CHPT1: variants seen among roughly 807,000 people sequenced by gnomAD.
CHPT1 encodes choline phosphotransferase 1, also known as cholinephosphotransferase 1.
Under a neutral mutation model 47.6 loss-of-function variants are expected in CHPT1, and 36 were observed. The observed-to-expected ratio is 0.76, with a 90% CI of 0.58 to 1.00. CHPT1 has a LOEUF of 1.00. Among genes scored for constraint, CHPT1 ranks in the 50% least tolerant of loss-of-function variants. The pLI, the probability that CHPT1 is intolerant of heterozygous loss-of-function variation, is 0.00. For missense variants in CHPT1, 458 were observed against 498.1 expected (o/e 0.92, Z 0.77); for synonymous variants, 194 against 186.3 (o/e 1.04, Z -0.33).
chr12:101,723,427 T>A, intron 6 of CHPT1, 101 bp downstream of exon 6: 1 of 756,370 alleles, frequency 1.3e-6, no homozygotes, highest in Non-Finnish European at 2.1e-6. Flanking sequence ...TTTTGTAGTG[T>A]AAAATCATAA....
chr12:101,720,159 G>T lies in CHPT1; in HGVS notation c.685G>T (p.Val229Phe). The T allele has an allele frequency of 6.3e-7, 1 of 1,598,380 alleles. No individual in the cohort carries two copies. Among genetic ancestry groups the T allele is most frequent in the Non-Finnish European group, 8.6e-7 (1 of 1,169,530 alleles). Residue 229 changes from valine to phenylalanine, a missense_variant, in exon 5 of 9, where the codon GTT (valine) becomes TTT (phenylalanine). Coordinates refer to ENST00000229266, the MANE Select transcript of CHPT1 (RefSeq NM_020244.3). ...ILEIKLKILP[V>F]LGFLGGVIFS... Reference sequence around the variant, plus strand: ...AGAAATAAAATTGAAGATCCTTCCAGTTCTTGGATTTCTAGGTGGAGTAAT... The same window carrying T: ...AGAAATAAAATTGAAGATCCTTCCATTTCTTGGATTTCTAGGTGGAGTAAT...
chr12:101,721,722 T>C (rs1228988831), intron 5 of CHPT1, among the ~76,000 whole-genome samples: 1 of 152,140 alleles, frequency 6.6e-6, no homozygotes, highest in Admixed American at 6.5e-5. Flanking sequence ...AACGTTAAGT[T>C]CCATTGAAGA....
chr12:101,728,983 G>A lies in CHPT1; in HGVS notation c.*38G>A. The A allele has an allele frequency of 6.2e-7, 1 of 1,613,424 alleles. No homozygotes were observed. The highest frequency in any genetic ancestry group is 1.7e-4 in the Middle Eastern group (1 of 6,052). The stretch of plus-strand genomic sequence containing the variant: ...ACACTTGCTATCTCTTGCTGCTGCT[G>A]TTTCATGGAAGGAGATATTAAACAT... On this transcript the variant is annotated 3_prime_UTR_variant, in exon 9 of 9. Transcript: ENST00000229266.
At chr12:101,704,468 C>A (rs994321699) in intron 1 of CHPT1, among the ~76,000 whole-genome samples, 41 of 151,420 alleles carry the variant, frequency 2.7e-4, no homozygotes, top group Admixed American at 5.3e-4. Flanking sequence ...GTGGTGCAAC[C>A]TTGGCTCACT....
At position 101,712,597 on chromosome 12, in the gene CHPT1, C is replaced by T. The variant is rs542524080; in HGVS notation, c.274-1493C>T. Among the ~76,000 whole-genome samples, 4 of 148,610 alleles carry T rather than the reference C, an allele frequency of 2.7e-5. No homozygotes were observed. The East Asian group carries it at 8.0e-4, about 30-fold the overall frequency. On this transcript the variant is annotated intron_variant, in intron 1 of 8. Coordinates refer to ENST00000229266, the MANE Select transcript of CHPT1 (RefSeq NM_020244.3). ...GATGCACAGTTCAATTATTTTTAGTCGTTTTTCTTTCGTCATTTTGGATAG... is the reference window on the plus strand; with the variant it reads ...GATGCACAGTTCAATTATTTTTAGTTGTTTTTCTTTCGTCATTTTGGATAG...
intron 3 of CHPT1, among the ~76,000 whole-genome samples, chr12:101,715,870 G>A (rs1448954121): frequency 6.6e-6 from 1 of 152,090 alleles, no homozygotes; most frequent in East Asian, 1.9e-4. Context: ...TAAAAACACA[G>A]CAGAGCTTTT....
At chr12:101,723,984 A>T in intron 7 of CHPT1, 137 bp downstream of exon 7, 1 of 603,790 alleles carries the variant, frequency 1.7e-6, no homozygotes, top group Non-Finnish European at 2.8e-6. Context: ...TGGGAGGCCA[A>T]GGTGGACGGA....
In CHPT1 at chr12:101,712,887, A is replaced by G. The variant is rs114350104; in HGVS notation, c.274-1203A>G. On this transcript the variant is annotated intron_variant, in intron 1 of 8. Coordinates refer to ENST00000229266, the MANE Select transcript of CHPT1 (RefSeq NM_020244.3). ...TATTGATTCTGATTGTATTCTGATT[A>G]TATGGATTTTACTTCTAGTTGTCAA... Among the ~76,000 whole-genome samples the G allele has an allele frequency of 3.7e-3, 549 of 148,770 alleles. 29 individuals are homozygous for G. The highest frequency in any genetic ancestry group is 0.013 in the African/African-American group (523 of 41,156).
Position 101,714,592 on chromosome 12 carries a change from G to GT in CHPT1, c.514dup (p.Tyr172LeufsTer22), listed in dbSNP as rs1318946636. 6.2e-7 allele frequency: 1 copy of GT among 1,611,884 alleles called. No homozygotes were observed. The highest frequency in any genetic ancestry group is 8.5e-7 in the Non-Finnish European group (1 of 1,179,104). On this transcript the variant is annotated frameshift_variant, in exon 3 of 9. Transcript: ENST00000229266. LOFTEE classifies it high-confidence loss of function. ...TCTGCTCTTTTATTGGGATGTTTGT[G>GT]TTTTATTGCGCTCATTGGCAGACTT... is the stretch of plus-strand genomic sequence containing the variant.
chr12:101,707,880 G>A (rs924685325), intron 1 of CHPT1, among the ~76,000 whole-genome samples: 8 of 152,222 alleles, frequency 5.3e-5, no homozygotes, highest in South Asian at 4.2e-4. Flanking sequence ...GCGTAGTTCC[G>A]TCTCTTAATA....
At chr12:101,708,315 C>A (rs562653006) in intron 1 of CHPT1, among the ~76,000 whole-genome samples, 13 of 151,232 alleles carry the variant, frequency 8.6e-5, no homozygotes, top group Non-Finnish European at 1.9e-4. Context: ...AATTGAAAAA[C>A]AATTTAAATT....
At position 101,712,345 on chromosome 12, in the gene CHPT1, T is replaced by A. The variant is rs904292661; in HGVS notation, c.274-1745T>A. 6.0e-5 allele frequency among the ~76,000 whole-genome samples: 9 copies of A among 148,868 alleles called. 3 individuals carry two copies. In the South Asian group the frequency reaches 6.4e-4, roughly 11 times the overall value. On this transcript the variant is annotated intron_variant, in intron 1 of 8. Coordinates refer to ENST00000229266, the MANE Select transcript of CHPT1 (RefSeq NM_020244.3). ...CTGTGATTTTCTGCTTACTACTAGT[T>A]TTCATTGATTTAATTACGATGTGCC...
rs549154291 is a variant in CHPT1, at chr12:101,707,844, A to T, written c.274-6246A>T. On this transcript the variant is annotated intron_variant, in intron 1 of 8. Transcript: ENST00000229266. ...AAGAGAAGTAGATGCCTCCTCTCTCACCTCAATCTTTCTCCTTCAGTCACT... is the reference window on the plus strand; with the variant it reads ...AAGAGAAGTAGATGCCTCCTCTCTCTCCTCAATCTTTCTCCTTCAGTCACT... Among the ~76,000 whole-genome samples, 8 of 152,196 alleles carry T rather than the reference A, an allele frequency of 5.3e-5. 1 individual carries two copies. In the South Asian group the frequency reaches 1.7e-3, roughly 32 times the overall value.
At chr12:101,719,434 C>T (rs1392926228) in intron 4 of CHPT1, 4 of 636,754 alleles carry the variant, frequency 6.3e-6, no homozygotes, top group African/African-American at 5.6e-5. Flanking sequence ...ATAGTAGCCT[C>T]TAGCTTCTGG....
rs962954481 is a variant in CHPT1 at position 101,723,235 on chromosome 12, A to G, written c.848A>G (p.Lys283Arg). The G allele has an allele frequency of 7.4e-6, 12 of 1,612,020 alleles. No homozygotes were observed. Among genetic ancestry groups the G allele is most frequent in the African/African-American group, 1.3e-5 (1 of 74,882 alleles). The change falls in exon 6 of 9, where the codon AAA (lysine) becomes AGA (arginine). Residue 283 changes from lysine (K) to arginine (R), a missense_variant. By Grantham distance (26) the Lys-to-Arg change is conservative (BLOSUM62 2). Coordinates refer to ENST00000229266, the MANE Select transcript of CHPT1 (RefSeq NM_020244.3). ...ATTATACTGGCAATAATGATCTATA[A>G]AAAGTCAGCAACTGATGTGTTTGAA... is the stretch of plus-strand genomic sequence containing the variant. ...LIIILAIMIY[K>R]KSATDVFEKH...
intron 4 of CHPT1, 132 bp from the exon 5 acceptor site, chr12:101,719,991 T>TATTGTGA: frequency 1.9e-6 from 1 of 517,746 alleles, no homozygotes; most frequent in Non-Finnish European, 3.1e-6. Flanking sequence ...TTGGATTATA[T>TATTGTGA]TCCAGAAGTT....
At chr12:101,709,053 T>C (rs1951670481) in intron 1 of CHPT1, among the ~76,000 whole-genome samples, 1 of 148,636 alleles carries the variant, frequency 6.7e-6, no homozygotes. Flanking sequence ...TAAGTTAACA[T>C]GAAAACTAGA....
At chr12:101,708,049 T>TAACA (rs1951657077) in intron 1 of CHPT1, among the ~76,000 whole-genome samples, 1 of 152,218 alleles carries the variant, frequency 6.6e-6, no homozygotes, top group Non-Finnish European at 1.5e-5. Flanking sequence ...ACTTGCTGTT[T>TAACA]GCTTTTTTCC....
intron 7 of CHPT1, 66 bp downstream of exon 7, chr12:101,723,913 A>C (rs1006475306): frequency 8.3e-7 from 1 of 1,205,628 alleles, no homozygotes; most frequent in Admixed American, 2.0e-5. Flanking sequence ...GTGAGCTATC[A>C]GTAGCCTCAA....
Sources: allele counts gnomAD v4.1 joint callset (sites outside exome capture counted in the v4.1 genomes callset), GRCh38; gene constraint gnomAD v4.1.1; transcripts MANE v1.5; gene names NCBI Gene and HGNC (gene_info 2026-07-23, HGNC 2026-07-21).